Variants in RAD51B observed in about 807,000 individuals in gnomAD.
The protein encoded by RAD51B is RAD51 paralog B.
RAD51B carries 38 observed loss-of-function variants against 42.2 expected under a neutral mutation model. The ratio of observed to expected loss-of-function variants is 0.90; its 90% CI spans 0.70 to 1.18. The LOEUF is 1.18. RAD51B is among the 50% of genes most tolerant of loss of function. The probability of loss-of-function intolerance (pLI) is 0.00; values close to 1 mark genes in which losing one functional copy is unlikely to be tolerated. For synonymous variants in RAD51B, 154 were observed against 145.2 expected, an observed-to-expected ratio of 1.06 and a Z score of -0.43; for missense variants, 373 against 400.7, an observed-to-expected ratio of 0.93 and a Z score of 0.59.
rs397852024 is a variant in RAD51B at position 68,632,968 on chromosome 14, C to CTTTTTTT, written c.1037-17788_1037-17782dup. Among the ~76,000 whole-genome samples the CTTTTTTT allele has an allele frequency of 3.7e-3, 220 of 59,430 alleles. 1 individual carries two copies. Among genetic ancestry groups the CTTTTTTT allele is most frequent in the Non-Finnish European group, 5.4e-3 (183 of 33,738 alleles). The allele number at this position is 59,430 out of a possible 152,430, so 39.0% of individuals were successfully genotyped here. A position where few individuals can be genotyped will look rare whatever the true frequency, so the allele number is the denominator to read the frequency against. Reference sequence around the variant, plus strand: ...TTTTTTCTTTTTTCTTTTTCTTTTTCTTTTTTTTTTTTTTTTTTTTTTTTT... The same window carrying CTTTTTTT: ...TTTTTTCTTTTTTCTTTTTCTTTTTCTTTTTTTTTTTTTTTTTTTTTTTTTTTTTTTT... On this transcript the variant is annotated intron_variant, in intron 10 of 11. Transcript: ENST00000488612.
intron 10 of RAD51B, among the ~76,000 whole-genome samples, chr14:68,533,587 G>A (rs1887442003): frequency 6.6e-6 from 1 of 152,082 alleles, no homozygotes; most frequent in South Asian, 2.1e-4. Flanking sequence ...GAGGGATGAG[G>A]GAGTTTCTGT....
intron 7 of RAD51B, among the ~76,000 whole-genome samples, chr14:68,087,142 A>C (rs1415826725): frequency 1.3e-5 from 2 of 151,930 alleles, no homozygotes; most frequent in African/African-American, 4.8e-5. Flanking sequence ...TCTCAAAAAA[A>C]AAAAAAAGAG....
intron 9 of RAD51B, among the ~76,000 whole-genome samples, chr14:68,438,663 C>T (rs2085206113): frequency 6.6e-6 from 1 of 152,166 alleles, no homozygotes. Context: ...CTCTCAATGC[C>T]ATTTCCTTAT....
intron 7 of RAD51B, among the ~76,000 whole-genome samples, chr14:67,956,866 T>C (rs2074558590): frequency 6.6e-6 from 1 of 152,236 alleles, no homozygotes; most frequent in East Asian, 1.9e-4. Flanking sequence ...GTGGACAGCA[T>C]AGATAGTGAG....
intron 7 of RAD51B, among the ~76,000 whole-genome samples, chr14:67,922,388 G>T (rs2044354567): frequency 6.6e-6 from 1 of 152,054 alleles, no homozygotes; most frequent in Admixed American, 6.5e-5. Context: ...TTAACATCTT[G>T]TTAGATTATG....
At chr14:68,281,686 A>G (rs1490083307) in intron 7 of RAD51B, among the ~76,000 whole-genome samples, 2 of 152,242 alleles carry the variant, frequency 1.3e-5, no homozygotes, top group African/African-American at 4.8e-5. Context: ...TGACATGGTT[A>G]TTCTTATTAA....
chr14:68,501,335 G>A (rs1266992181), intron 10 of RAD51B, among the ~76,000 whole-genome samples: 1 of 152,222 alleles, frequency 6.6e-6, no homozygotes, highest in Non-Finnish European at 1.5e-5. Flanking sequence ...TGAGGAAGAA[G>A]GATGCTCTCC....
intron 11 of RAD51B, among the ~76,000 whole-genome samples, chr14:68,670,182 G>A (rs770344419): frequency 2.6e-4 from 40 of 152,168 alleles, no homozygotes; most frequent in Admixed American, 4.6e-4. Flanking sequence ...TCCTTGTGAC[G>A]GGAAGTTTGG....
At chr14:68,281,913 A>G (rs2081325803) in intron 7 of RAD51B, among the ~76,000 whole-genome samples, 1 of 150,922 alleles carries the variant, frequency 6.6e-6, no homozygotes, top group Non-Finnish European at 1.5e-5. Context: ...GAGACTAAAA[A>G]CCTGTTTGGC....
At position 68,399,176 on chromosome 14, in the gene RAD51B, G is replaced by A. The variant is rs1246840636; in HGVS notation, c.854-12248G>A. ...ATTTTCCCACTAATTTTTTTGGGGG[G>A]GAAGGAGAGTTCAAACCTACAGAAA... On this transcript the variant is annotated intron_variant, in intron 8 of 10. Coordinates refer to ENST00000471583, the MANE Select transcript of RAD51B (RefSeq NM_133510.4). Among the ~76,000 whole-genome samples the A allele has an allele frequency of 3.3e-5, 5 of 151,842 alleles. No individual in the cohort carries two copies. In the East Asian group the frequency reaches 9.6e-4, roughly 29 times the overall value.
chr14:68,574,962 C>G (rs1382712946), intron 10 of RAD51B, among the ~76,000 whole-genome samples: 3 of 152,204 alleles, frequency 2.0e-5, no homozygotes, highest in African/African-American at 7.2e-5. Context: ...TCCAAATCCA[C>G]TCTGAGGTTA....
rs191529612 is a variant in RAD51B, at chr14:68,515,592, G to A, written c.1036+47342G>A. On this transcript the variant is annotated intron_variant, in intron 10 of 10. Transcript: ENST00000487270. ...GTCTCTCAAGTTGCTAGGACTACAG[G>A]TGTGCACCACCATTCCTGGCTTTTT... is the stretch of plus-strand genomic sequence containing the variant. 1.5e-4 allele frequency among the ~76,000 whole-genome samples: 23 copies of A among 150,584 alleles called. No homozygotes were observed. The East Asian group carries it at 4.1e-3, about 27-fold the overall frequency.
At chr14:68,249,328 CAT>C (rs1303528791) in intron 7 of RAD51B, among the ~76,000 whole-genome samples, 1 of 152,142 alleles carries the variant, frequency 6.6e-6, no homozygotes, top group Non-Finnish European at 1.5e-5. Flanking sequence ...AAAAGAATAG[CAT>C]TAAAACAAAA....
At position 68,257,006 on chromosome 14, in the gene RAD51B, G is replaced by A. The variant is rs150660514; in HGVS notation, c.757-34878G>A. ...AATAAAATCTGTAATTTTTAAAAAG[G>A]CAATTACAGAATGTCCCCTGCACTA... On this transcript the variant is annotated intron_variant, in intron 7 of 10. Coordinates refer to ENST00000471583, the MANE Select transcript of RAD51B (RefSeq NM_133510.4). Among the ~76,000 whole-genome samples, 437 of 152,232 alleles carry A rather than the reference G, an allele frequency of 2.9e-3. 1 individual carries two copies. Among genetic ancestry groups the A allele is most frequent in the African/African-American group, 9.0e-3 (373 of 41,546 alleles).
At chr14:68,427,798 T>C (rs2084890106) in intron 9 of RAD51B, among the ~76,000 whole-genome samples, 1 of 152,214 alleles carries the variant, frequency 6.6e-6, no homozygotes, top group African/African-American at 2.4e-5. Context: ...TGTATTTATA[T>C]GTGAGAAGGA....
chr14:68,510,693 C>T (rs1354481323), intron 10 of RAD51B, among the ~76,000 whole-genome samples: 2 of 152,190 alleles, frequency 1.3e-5, no homozygotes, highest in Non-Finnish European at 1.5e-5. Context: ...GCTTTAAATT[C>T]CCAGGGTCCT....
intron 8 of RAD51B, among the ~76,000 whole-genome samples, chr14:68,337,680 G>T (rs2082485489): frequency 6.6e-6 from 1 of 152,200 alleles, no homozygotes; most frequent in Non-Finnish European, 1.5e-5. Flanking sequence ...CAGAGCAGGG[G>T]TATTTGAGTT....
At chr14:68,379,984 G>A (rs1403138159) in intron 8 of RAD51B, among the ~76,000 whole-genome samples, 3 of 152,204 alleles carry the variant, frequency 2.0e-5, no homozygotes, top group South Asian at 2.1e-4. Context: ...ATTGTCATAC[G>A]ATTGCATTGT....
chr14:68,441,295 C>T (rs985476990), intron 9 of RAD51B, among the ~76,000 whole-genome samples: 8 of 150,370 alleles, frequency 5.3e-5, no homozygotes, highest in Non-Finnish European at 1.0e-4. Flanking sequence ...GTAATCCCAG[C>T]ACTTTGGGAG....
Sources: allele counts gnomAD v4.1 joint callset (sites outside exome capture counted in the v4.1 genomes callset), GRCh38; gene constraint gnomAD v4.1.1; transcripts MANE v1.5; gene names NCBI Gene and HGNC (gene_info 2026-07-23, HGNC 2026-07-21).